PCDHA4: variants seen among roughly 807,000 people sequenced by gnomAD.
The protein encoded by PCDHA4 is protocadherin alpha 4.
A neutral mutation model predicts 61.4 loss-of-function variants in PCDHA4; 49 were observed. The ratio of observed to expected loss-of-function variants is 0.80; its 90% CI spans 0.63 to 1.01. PCDHA4 has a LOEUF of 1.01. Ranked by LOEUF, PCDHA4 falls within the 50% of genes least tolerant of loss-of-function variation. PCDHA4 has a pLI of 0.00. For missense variants in PCDHA4, 1,254 were observed against 1,235.8 expected (o/e 1.01, Z -0.22); for synonymous variants, 590 against 550.3 (o/e 1.07, Z -1.01).
chr5:140,974,945 A>G (rs2096646889), intron 1 of PCDHA4, among the ~76,000 whole-genome samples: 1 of 152,180 alleles, frequency 6.6e-6, no homozygotes, highest in African/African-American at 2.4e-5. Flanking sequence ...CCTATTTGTT[A>G]TCTCACAGTC....
At chr5:140,977,263 TAC>T (rs1466968557) in intron 1 of PCDHA4, among the ~76,000 whole-genome samples, 4 of 152,230 alleles carry the variant, frequency 2.6e-5, no homozygotes, top group Admixed American at 1.3e-4. Flanking sequence ...CAGCAGATGT[TAC>T]AGTCTTTCTC....
chr5:140,951,220 C>G (rs1554219798), intron 1 of PCDHA4, among the ~76,000 whole-genome samples: 1 of 151,926 alleles, frequency 6.6e-6, no homozygotes, highest in Non-Finnish European at 1.5e-5. Context: ...GGTTTGGATT[C>G]TTGATGGTCT....
rs2150227413 is a variant in PCDHA4 at position 140,834,821 on chromosome 5, G to A, written c.2385+25249G>A. ...GGAATCTGTTCATCGCGGAATCCAG[G>A]CCGCTTGACTCTCGGTTTCCACTAG... On this transcript the variant is annotated intron_variant, in intron 1 of 3. Coordinates refer to ENST00000530339, the MANE Select transcript of PCDHA4 (RefSeq NM_018907.4). 167 of 1,612,344 alleles carry A rather than the reference G, an allele frequency of 1.0e-4. No homozygotes were observed. The East Asian group carries it at 3.7e-3, about 36-fold the overall frequency.
chr5:140,852,064 C>G, intron 1 of PCDHA4: 1 of 904,052 alleles, frequency 1.1e-6, no homozygotes, highest in Non-Finnish European at 1.3e-6. Flanking sequence ...ATTTTTCTTT[C>G]TCTTTCAGCT....
In PCDHA4 at chr5:141,010,049, C is replaced by G. The variant is rs1554262651; in HGVS notation, c.*112C>G. 7 of 1,597,692 alleles carry G rather than the reference C, an allele frequency of 4.4e-6. No individual in the cohort carries two copies. The highest frequency in any genetic ancestry group is 1.3e-5 in the African/African-American group (1 of 74,172). On this transcript the variant is annotated 3_prime_UTR_variant, in exon 4 of 4. Coordinates refer to ENST00000530339, the MANE Select transcript of PCDHA4 (RefSeq NM_018907.4). ...TATCTACATGAGCCCTCTTAGAGAC[C>G]TCAGAAATCTGCAGAAAGTTCCCTG...
chr5:140,969,339 A>AGTG (rs782647003), intron 1 of PCDHA4: 3 of 1,613,948 alleles, frequency 1.9e-6, no homozygotes, highest in African/African-American at 2.7e-5. Flanking sequence ...GAGGTGAGAC[A>AGTG]GTGGTCAGGG....
chr5:140,988,411 A>T (rs2097296392), intron 3 of PCDHA4, among the ~76,000 whole-genome samples: 1 of 152,144 alleles, frequency 6.6e-6, no homozygotes, highest in Non-Finnish European at 1.5e-5. Flanking sequence ...TTCGCAGCTT[A>T]TGTAAAGAAT....
At chr5:140,897,667 A>G (rs2066254740) in intron 1 of PCDHA4, among the ~76,000 whole-genome samples, 1 of 152,134 alleles carries the variant, frequency 6.6e-6, no homozygotes, top group Non-Finnish European at 1.5e-5. Context: ...ATGTGTCTTT[A>G]TAGCAGCATG....
intron 1 of PCDHA4, chr5:140,823,971 A>C: frequency 6.2e-7 from 1 of 1,614,076 alleles, no homozygotes; most frequent in East Asian, 2.2e-5. Flanking sequence ...CCGTGTGCAC[A>C]CGGGGCAAGC....
intron 1 of PCDHA4, among the ~76,000 whole-genome samples, chr5:140,959,379 A>T (rs2095484732): frequency 6.6e-6 from 1 of 152,176 alleles, no homozygotes; most frequent in Admixed American, 6.5e-5. Context: ...GTCTCAAAAA[A>T]AAAAGTCACA....
rs782314357 is a variant in PCDHA4 at position 140,927,486 on chromosome 5, C to G, written c.2386-51463C>G. The G allele has an allele frequency of 6.2e-6, 10 of 1,614,128 alleles. No individual in the cohort carries two copies. In the East Asian group the frequency reaches 2.2e-4, roughly 36 times the overall value. ...CACTGGATCGCGAACAGCGCGCCACCCACCTGCTGGTGCTTACAGCTCGGG... is the reference window on the plus strand; with the variant it reads ...CACTGGATCGCGAACAGCGCGCCACGCACCTGCTGGTGCTTACAGCTCGGG... On this transcript the variant is annotated intron_variant, in intron 1 of 3. Coordinates refer to ENST00000530339, the MANE Select transcript of PCDHA4 (RefSeq NM_018907.4).
intron 1 of PCDHA4, among the ~76,000 whole-genome samples, chr5:140,908,751 C>T (rs1302522906): frequency 6.6e-6 from 1 of 152,170 alleles, no homozygotes; most frequent in Non-Finnish European, 1.5e-5. Context: ...GCAACTTGCA[C>T]ACAGCCTGGA....
At chr5:140,897,438 G>A (rs2066109195) in intron 1 of PCDHA4, among the ~76,000 whole-genome samples, 1 of 149,226 alleles carries the variant, frequency 6.7e-6, no homozygotes, top group African/African-American at 2.5e-5. Context: ...AACATGCAGT[G>A]TTTGGTTTTT....
At chr5:140,911,189 A>T (rs1369810973) in intron 1 of PCDHA4, among the ~76,000 whole-genome samples, 1 of 152,126 alleles carries the variant, frequency 6.6e-6, no homozygotes, top group African/African-American at 2.4e-5. Flanking sequence ...TGGGTTGGGG[A>T]GGACATGTTG....
rs1184449073 is a variant in PCDHA4, at chr5:140,842,588, T to C, written c.2385+33016T>C. ...CCGCGAGAGAGTGTCGGCCTATGAG[T>C]TGGTGGTAACCGCGCGGGACGGGGG... is the stretch of plus-strand genomic sequence containing the variant. On this transcript the variant is annotated intron_variant, in intron 1 of 3. Coordinates refer to ENST00000530339, the MANE Select transcript of PCDHA4 (RefSeq NM_018907.4). The C allele has an allele frequency of 1.2e-5, 19 of 1,595,896 alleles. 2 individuals carry two copies. Among genetic ancestry groups the C allele is most frequent in the Non-Finnish European group, 1.5e-5 (18 of 1,165,700 alleles).
intron 1 of PCDHA4, among the ~76,000 whole-genome samples, chr5:140,904,604 T>C (rs1010462159): frequency 2.0e-5 from 3 of 152,094 alleles, no homozygotes; most frequent in Non-Finnish European, 1.5e-5. Flanking sequence ...CTGGATCAAA[T>C]AGTAGTTTTA....
chr5:140,838,055 C>A (rs1775397584), intron 1 of PCDHA4, among the ~76,000 whole-genome samples: 1 of 145,046 alleles, frequency 6.9e-6, no homozygotes, highest in African/African-American at 2.6e-5. Flanking sequence ...TTTTGGTTTT[C>A]CACTTTAAGT....
chr5:140,849,189 G>C, intron 1 of PCDHA4: 1 of 1,056,674 alleles, frequency 9.5e-7, no homozygotes, highest in Non-Finnish European at 1.3e-6. Context: ...ACTCATCACG[G>C]TACTGGACAA....
chr5:140,968,285 T>A, intron 1 of PCDHA4: 1 of 1,614,006 alleles, frequency 6.2e-7, no homozygotes, highest in Non-Finnish European at 8.5e-7. Flanking sequence ...GGTGACCTAC[T>A]CCCTTCTGGA....
Sources: allele counts gnomAD v4.1 joint callset (sites outside exome capture counted in the v4.1 genomes callset), GRCh38; gene constraint gnomAD v4.1.1; transcripts MANE v1.5; gene names NCBI Gene and HGNC (gene_info 2026-07-23, HGNC 2026-07-21).